The following PPP1R9A variants were observed in gnomAD, a reference collection of about 807,000 sequenced individuals.
PPP1R9A encodes neurabin-1.
In PPP1R9A, 59 loss-of-function variants were observed where a neutral mutation model predicts 141.9. The ratio of observed to expected loss-of-function variants is 0.42; its 90% confidence interval spans 0.34 to 0.52. The LOEUF (loss-of-function observed/expected upper bound fraction) is 0.52. PPP1R9A is among the 20% of genes least tolerant of loss of function. The pLI, the probability that PPP1R9A is intolerant of heterozygous loss-of-function variation, is 0.10. For missense variants in PPP1R9A, 1,444 were observed against 1,611.9 expected, an observed-to-expected ratio of 0.90 and a Z score of 1.78; for synonymous variants, 500 against 569.7, an observed-to-expected ratio of 0.88 and a Z score of 1.74.
intron 2 of PPP1R9A, among the ~76,000 whole-genome samples, chr7:95,066,493 A>C (rs1010328443): frequency 2.0e-5 from 3 of 152,248 alleles, no homozygotes; most frequent in Non-Finnish European, 2.9e-5. Context: ...AGGAAGGAGA[A>C]GTAAACTTTA....
chr7:95,202,044 A>G (rs1376483596), intron 6 of PPP1R9A, among the ~76,000 whole-genome samples: 2 of 152,206 alleles, frequency 1.3e-5, no homozygotes, highest in Non-Finnish European at 2.9e-5. Flanking sequence ...ACTACATGGA[A>G]AACATCACAA....
intron 2 of PPP1R9A, among the ~76,000 whole-genome samples, chr7:95,022,526 G>A (rs1448021947): frequency 1.3e-5 from 2 of 152,180 alleles, no homozygotes; most frequent in Non-Finnish European, 2.9e-5. Flanking sequence ...TTGAATAGTA[G>A]TGGTAAGAGA....
At chr7:95,153,011 G>A (rs946249252) in intron 4 of PPP1R9A, among the ~76,000 whole-genome samples, 3 of 151,540 alleles carry the variant, frequency 2.0e-5, no homozygotes, top group Admixed American at 6.6e-5. Flanking sequence ...CACCATATCC[G>A]GCTAATTTTT....
chr7:95,069,596 T>A (rs1450877558), intron 2 of PPP1R9A, among the ~76,000 whole-genome samples: 1 of 152,104 alleles, frequency 6.6e-6, no homozygotes, highest in Non-Finnish European at 1.5e-5. Context: ...TTGTATTTGT[T>A]TGCAGTTACT....
intron 2 of PPP1R9A, among the ~76,000 whole-genome samples, chr7:94,997,658 A>C (rs2151487089): frequency 6.6e-6 from 1 of 152,320 alleles, no homozygotes; most frequent in Non-Finnish European, 1.5e-5. Flanking sequence ...TAGGTCACCC[A>C]GTCTCATAGA....
chr7:95,046,387 C>T (rs991908918), intron 2 of PPP1R9A, among the ~76,000 whole-genome samples: 3 of 151,986 alleles, frequency 2.0e-5, no homozygotes, highest in African/African-American at 7.2e-5. Flanking sequence ...AGCCACCATA[C>T]CTGGTCAAGA....
At chr7:95,122,962 C>T (rs1822901100) in intron 4 of PPP1R9A, among the ~76,000 whole-genome samples, 2 of 151,014 alleles carry the variant, frequency 1.3e-5, no homozygotes, top group Non-Finnish European at 2.9e-5. Context: ...TGTTATGAAC[C>T]ATCCAGAAAG....
chr7:95,198,384 G>A lies in PPP1R9A; in HGVS notation c.1790G>A (p.Ser597Asn). The stretch of plus-strand genomic sequence containing the variant: ...GGGCGGGAAAAACCAGGACAAGTGA[G>A]CGAGGTTGCCCAGTTGATAAGCCAG... ...VIGREKPGQV[S>N]EVAQLISQTL... Residue 597 changes from serine (S) to asparagine (N), a missense_variant, in exon 6 of 20, where the codon AGC becomes AAC. Ser to Asn is a conservative substitution (Grantham distance 46). This residue lies in a region of PPP1R9A where 488 missense variants were observed against 542.0 expected (regional missense o/e 0.90). Coordinates refer to ENST00000433360, the MANE Select transcript of PPP1R9A (RefSeq NM_001166160.2). 2 of 1,612,558 alleles carry A rather than the reference G, an allele frequency of 1.2e-6. No homozygotes were observed. The highest frequency in any genetic ancestry group is 1.7e-6 in the Non-Finnish European group (2 of 1,179,454).
At chr7:95,174,357 G>T (rs547043889) in intron 5 of PPP1R9A, among the ~76,000 whole-genome samples, 2 of 152,208 alleles carry the variant, frequency 1.3e-5, no homozygotes, top group African/African-American at 4.8e-5. Flanking sequence ...TCAGAATCAC[G>T]AAGGGAGGGA....
intron 2 of PPP1R9A, among the ~76,000 whole-genome samples, chr7:95,008,318 T>A (rs1803910509): frequency 6.6e-6 from 1 of 152,102 alleles, no homozygotes; most frequent in Non-Finnish European, 1.5e-5. Flanking sequence ...ACTTGAAATC[T>A]CCCTACAATC....
intron 4 of PPP1R9A, among the ~76,000 whole-genome samples, chr7:95,160,546 A>G (rs1230598771): frequency 1.3e-5 from 2 of 151,498 alleles, no homozygotes; most frequent in Non-Finnish European, 2.9e-5. Context: ...TTTTTGATTC[A>G]GGGGGTACAT....
At position 95,282,856 on chromosome 7, in the gene PPP1R9A, G is replaced by A. The variant is rs114474559; in HGVS notation, c.3297-1162G>A. 4.5e-3 allele frequency among the ~76,000 whole-genome samples: 686 copies of A among 152,190 alleles called. 8 individuals carry two copies. The highest frequency in any genetic ancestry group is 0.015 in the African/African-American group (643 of 41,498). ...ATGCTTTTACATTTATGTCCCAGTC[G>A]ATCCTCACAATAATATTTGCAAATA... On this transcript the variant is annotated intron_variant, in intron 16 of 19. Coordinates refer to ENST00000433360, the MANE Select transcript of PPP1R9A (RefSeq NM_001166160.2).
intron 2 of PPP1R9A, among the ~76,000 whole-genome samples, chr7:94,947,655 T>G (rs967728343): frequency 4.6e-5 from 7 of 152,090 alleles, no homozygotes; most frequent in African/African-American, 1.7e-4. Flanking sequence ...ATAGTACAGG[T>G]GTCACTTATG....
intron 4 of PPP1R9A, among the ~76,000 whole-genome samples, chr7:95,150,538 T>C (rs1828475464): frequency 6.6e-6 from 1 of 152,090 alleles, no homozygotes. Context: ...CTCCTGACCT[T>C]GTTATCTGCC....
At chr7:95,220,997 G>A (rs899838731) in intron 7 of PPP1R9A, among the ~76,000 whole-genome samples, 20 of 151,942 alleles carry the variant, frequency 1.3e-4, no homozygotes, top group East Asian at 5.8e-4. Context: ...ATAGAGGAAA[G>A]GAAAAGTTTT....
At chr7:94,940,441 T>G (rs925584290) in intron 2 of PPP1R9A, among the ~76,000 whole-genome samples, 1 of 152,024 alleles carries the variant, frequency 6.6e-6, no homozygotes, top group African/African-American at 2.4e-5. Context: ...TTTCTTCTTA[T>G]TCCCAGTTAC....
intron 16 of PPP1R9A, 83 bp downstream of exon 16, chr7:95,274,251 G>A (rs1429651076): frequency 1.6e-6 from 2 of 1,265,162 alleles, no homozygotes; most frequent in Non-Finnish European, 2.2e-6. Context: ...AAAATCAGTG[G>A]TCAGTATCTT....
At chr7:95,013,521 A>G (rs1346496904) in intron 2 of PPP1R9A, among the ~76,000 whole-genome samples, 1 of 152,132 alleles carries the variant, frequency 6.6e-6, no homozygotes, top group African/African-American at 2.4e-5. Context: ...CCAGAGTAAG[A>G]TGATATACAA....
chr7:94,921,879 A>G (rs1465267610), intron 2 of PPP1R9A, among the ~76,000 whole-genome samples: 1 of 151,772 alleles, frequency 6.6e-6, no homozygotes, highest in Non-Finnish European at 1.5e-5. Flanking sequence ...TTTGAAAAAT[A>G]AAGGCTGGCT....
Sources: allele counts gnomAD v4.1 joint callset (sites outside exome capture counted in the v4.1 genomes callset), GRCh38; gene constraint gnomAD v4.1.1; regional missense constraint gnomAD v4.1.1; transcripts MANE v1.5; gene names NCBI Gene and HGNC (gene_info 2026-07-23, HGNC 2026-07-21).